The following MEGF6 variants were observed in gnomAD, a reference collection of about 807,000 sequenced individuals.
MEGF6 encodes multiple epidermal growth factor-like domains protein 6.
A neutral mutation model predicts 207.1 loss-of-function variants in MEGF6; 184 were observed. That is an observed-to-expected ratio of 0.89 (90% CI 0.79 to 1.00). The LOEUF is 1.00. Among genes scored for constraint, MEGF6 ranks in the 50% least tolerant of loss-of-function variants. MEGF6 has a pLI of 0.00. For missense variants in MEGF6, 2,282 were observed against 2,202.9 expected (o/e 1.04, Z -0.72); for synonymous variants, 1,038 against 910.0 (o/e 1.14, Z -2.53).
chr1:3,496,160 T>A, intron 29 of MEGF6, 142 bp from the exon 30 acceptor site: 1 of 1,249,288 alleles, frequency 8.0e-7, no homozygotes, highest in Non-Finnish European at 1.1e-6. Context: ...CCAACTCTCA[T>A]GCACCCACCC....
intron 1 of MEGF6, among the ~76,000 whole-genome samples, chr1:3,608,899 G>A (rs943279440): frequency 1.3e-5 from 2 of 152,184 alleles, no homozygotes; most frequent in African/African-American, 2.4e-5. Context: ...AGTTCTGCCC[G>A]CTCCAGGGAT....
intron 21 of MEGF6, 47 bp downstream of exon 21, chr1:3,500,586 T>C (rs1320685286): frequency 2.6e-6 from 4 of 1,524,954 alleles, no homozygotes; most frequent in African/African-American, 1.4e-5. Flanking sequence ...TATGTGTGCG[T>C]GTGCGCACTC....
intron 6 of MEGF6, among the ~76,000 whole-genome samples, 166 bp from the exon 7 acceptor site, chr1:3,514,838 C>T (rs1021145620): frequency 5.9e-5 from 9 of 152,204 alleles, no homozygotes; most frequent in African/African-American, 2.2e-4. Context: ...GTGCGGGAAG[C>T]CCCCAAGACG....
At chr1:3,526,010 C>T (rs1641947839) in intron 4 of MEGF6, among the ~76,000 whole-genome samples, 1 of 152,204 alleles carries the variant, frequency 6.6e-6, no homozygotes, top group Admixed American at 6.5e-5. Flanking sequence ...CTGCTGGGCC[C>T]CTGCCAGCTG....
chr1:3,509,627 C>T (rs1294246524), intron 11 of MEGF6, among the ~76,000 whole-genome samples: 1 of 152,176 alleles, frequency 6.6e-6, no homozygotes, highest in African/African-American at 2.4e-5. Flanking sequence ...CGGGAGGATG[C>T]CTGTCTCACC....
chr1:3,578,632 C>T (rs1643708293), intron 4 of MEGF6, among the ~76,000 whole-genome samples: 1 of 152,212 alleles, frequency 6.6e-6, no homozygotes, highest in Non-Finnish European at 1.5e-5. Flanking sequence ...CAGGAAGCAG[C>T]AGGCACTCGC....
Position 3,511,551 on chromosome 1 carries a change from G to A in MEGF6, c.1113C>T (p.Ile371=), listed in dbSNP as rs755943982. 35 of 1,603,874 alleles carry A rather than the reference G, an allele frequency of 2.2e-5. No individual in the cohort carries two copies. The highest frequency in any genetic ancestry group is 3.4e-5 in the Admixed American group (2 of 59,684). The part of the protein sequence containing the change: ...YELDTDQRTC[I]DVDDCADSPC... Reference sequence around the variant, plus strand: ...CATCTGGGAGGAGCCAGTGCGCACCGATGCAGGTCCTCTGATCTGTGTCCA... The same window carrying A: ...CATCTGGGAGGAGCCAGTGCGCACCAATGCAGGTCCTCTGATCTGTGTCCA... Residue 371 remains isoleucine, a splice_region_variant and synonymous_variant, in exon 9 of 37, where the codon ATC becomes ATT. Coordinates refer to ENST00000356575, the MANE Select transcript of MEGF6 (RefSeq NM_001409.4).
At chr1:3,507,704 AGG>A in intron 14 of MEGF6, 89 bp downstream of exon 14, 10 of 1,533,100 alleles carry the variant, frequency 6.5e-6, no homozygotes, top group Non-Finnish European at 9.0e-6. Flanking sequence ...AGTGGGAGGA[AGG>A]AGACAAGGAG....
chr1:3,515,455 C>A lies in MEGF6; in HGVS notation c.677G>T (p.Arg226Leu). 6.2e-7 allele frequency: 1 copy of A among 1,612,682 alleles called. No individual in the cohort carries two copies. The highest frequency in any genetic ancestry group is 8.5e-7 in the Non-Finnish European group (1 of 1,179,902). Residue 226 changes from arginine to leucine, a missense_variant, in exon 6 of 37, where the codon CGC becomes CTC. Transcript: ENST00000356575. ...CTGGAACCCGGGCCGGCACTGGCAG[C>A]GATGCCGAGTGATTGTGAGCTGGAC... ...HCVQLTITRH[R>L]CQCRPGFQLQ...
Position 3,510,774 on chromosome 1 carries a change from A to AGTGCTC in MEGF6, c.1234+3_1234+8dup. On this transcript the variant is annotated intron_variant, in intron 10 of 36. Transcript: ENST00000356575. ...CACCCCAGCTGTGCAGTGGCAGGGC[A>AGTGCTC]GTGCTCACCCTCACAGCCGCAGCCA... The AGTGCTC allele has an allele frequency of 6.3e-7, 1 of 1,595,642 alleles. No individual in the cohort carries two copies. The highest frequency in any genetic ancestry group is 1.1e-5 in the South Asian group (1 of 90,094).
intron 4 of MEGF6, among the ~76,000 whole-genome samples, chr1:3,548,239 G>A (rs1026796821): frequency 2.0e-5 from 3 of 152,202 alleles, no homozygotes; most frequent in Non-Finnish European, 2.9e-5. Flanking sequence ...AACACAGCGC[G>A]GGCCTTTCCG....
intron 4 of MEGF6, among the ~76,000 whole-genome samples, chr1:3,532,470 C>A (rs1642208711): frequency 6.6e-6 from 1 of 152,216 alleles, no homozygotes; most frequent in Non-Finnish European, 1.5e-5. Flanking sequence ...CCCAGCACCA[C>A]CTCCAGCACT....
intron 4 of MEGF6, among the ~76,000 whole-genome samples, chr1:3,575,370 T>A (rs745308158): frequency 5.3e-5 from 8 of 152,120 alleles, no homozygotes; most frequent in Non-Finnish European, 1.0e-4. Context: ...AGAGTCCCCC[T>A]CGCTCCTTTG....
chr1:3,611,696 C>T (rs12751514), upstream of MEGF6, among the ~76,000 whole-genome samples: 28,658 of 137,580 alleles, frequency 0.21, 3,475 homozygotes, highest in East Asian at 0.34. Context: ...TCCCTCACCC[C>T]AGCCCGGCTC....
intron 3 of MEGF6, among the ~76,000 whole-genome samples, chr1:3,589,154 A>G (rs1318753627): frequency 6.6e-6 from 1 of 152,140 alleles, no homozygotes; most frequent in African/African-American, 2.4e-5. Context: ...ACGGAGGCAG[A>G]GTGGGGAACG....
At chr1:3,508,820 G>A (rs1641217203) in intron 12 of MEGF6, 131 bp from the exon 13 acceptor site, 2 of 1,219,660 alleles carry the variant, frequency 1.6e-6, no homozygotes, top group Admixed American at 2.6e-5. Context: ...GCCCCCAAAG[G>A]GTGACATGGG....
chr1:3,590,820 C>G (rs1260701056), intron 3 of MEGF6, among the ~76,000 whole-genome samples: 1 of 147,302 alleles, frequency 6.8e-6, no homozygotes, highest in East Asian at 2.3e-4. Context: ...CAAGCCCTGA[C>G]CCACAGGGCC....
At chr1:3,605,344 TAC>T (rs1467445867) in intron 1 of MEGF6, among the ~76,000 whole-genome samples, 1 of 135,612 alleles carries the variant, frequency 7.4e-6, no homozygotes, top group Non-Finnish European at 1.7e-5. Context: ...AACATGCTCA[TAC>T]ACTCACGCAC....
upstream of MEGF6, among the ~76,000 whole-genome samples, chr1:3,616,465 G>C (rs559298140): frequency 3.3e-5 from 5 of 151,998 alleles, no homozygotes; most frequent in Non-Finnish European, 7.4e-5. Flanking sequence ...CGACCACCCC[G>C]GACCGCCCCA....
Sources: allele counts gnomAD v4.1 joint callset (sites outside exome capture counted in the v4.1 genomes callset), GRCh38; gene constraint gnomAD v4.1.1; transcripts MANE v1.5; gene names NCBI Gene and HGNC (gene_info 2026-07-23, HGNC 2026-07-21).